BMP1: variants seen among roughly 807,000 people sequenced by gnomAD.
The protein encoded by BMP1 is bone morphogenetic protein 1, also known as mammalian tolloid protein.
In BMP1, 63 loss-of-function variants were observed where a neutral mutation model predicts 116.8. The ratio of observed to expected loss-of-function variants is 0.54; its 90% CI spans 0.44 to 0.67. The LOEUF is 0.67. Ranked by LOEUF, BMP1 falls within the 30% of genes least tolerant of loss-of-function variation. The pLI, the probability that BMP1 is intolerant of heterozygous loss-of-function variation, is 0.00. For missense variants in BMP1, 1,183 were observed against 1,358.9 expected (o/e 0.87, Z 2.04); for synonymous variants, 536 against 533.4 (o/e 1.00, Z -0.07).
rs1345182006 is a variant in BMP1, at chr8:22,179,491, C to T, written c.837-214C>T. On this transcript the variant is annotated intron_variant, in intron 6 of 19. Coordinates refer to ENST00000306385, the MANE Select transcript of BMP1 (RefSeq NM_006129.5). The surrounding 1 kb of genome is among the most constrained non-coding windows in gnomAD (Gnocchi z 4.6). ...CTCCCAAAGTGTTCCTGGGGCTCCC[C>T]CGACTCCTGTGGTGTGGCTGCCACG... Among the ~76,000 whole-genome samples the T allele has an allele frequency of 6.6e-6, 1 of 152,172 alleles. No individual in the cohort carries two copies.
intron 1 of BMP1, 90 bp from the exon 2 acceptor site, chr8:22,173,512 T>C: frequency 1.2e-6 from 1 of 854,204 alleles, no homozygotes; most frequent in Non-Finnish European, 1.8e-6. Context: ...GGTTGGGGGC[T>C]GGTGCCCACA....
At chr8:22,209,739 C>A (rs745753293) in intron 19 of BMP1, 44 bp downstream of exon 19, 5 of 1,589,950 alleles carry the variant, frequency 3.1e-6, no homozygotes, top group Non-Finnish European at 3.4e-6. Flanking sequence ...TGCCCCACGC[C>A]CCACACTGTC....
chr8:22,183,591 AATTATTATT>A (rs10687529), intron 8 of BMP1, among the ~76,000 whole-genome samples: 16 of 146,996 alleles, frequency 1.1e-4, no homozygotes, highest in East Asian at 3.9e-4. Context: ...GTATGTGTTA[AATTATTATT>A]ATTATTATTA....
intron 2 of BMP1, 79 bp from the exon 3 acceptor site, chr8:22,176,064 T>C: frequency 6.8e-7 from 1 of 1,469,926 alleles, no homozygotes; most frequent in Non-Finnish European, 9.3e-7. Flanking sequence ...ACAGAATCCA[T>C]GAAAAATGAG....
In BMP1 at chr8:22,194,156, T is replaced by C; in HGVS notation, c.1279T>C (p.Phe427Leu). ...CAGCAGCAATTGGGTTGGAAAGGGCTTCTTTGCAGTCTACGAAGGTACTGA... is the reference window on the plus strand; with the variant it reads ...CAGCAGCAATTGGGTTGGAAAGGGCCTCTTTGCAGTCTACGAAGGTACTGA... ...RSSSNWVGKG[F>L]FAVYEAICGG... Residue 427 changes from phenylalanine (F) to leucine (L), a missense_variant, in exon 10 of 20, where the codon TTC (phenylalanine) becomes CTC (leucine). Coordinates refer to ENST00000306385, the MANE Select transcript of BMP1 (RefSeq NM_006129.5). The surrounding 1 kb of genome is among the most constrained non-coding windows in gnomAD (Gnocchi z 4.5). The C allele has an allele frequency of 1.2e-6, 2 of 1,614,158 alleles. No individual in the cohort carries two copies. Among genetic ancestry groups the C allele is most frequent in the Non-Finnish European group, 1.7e-6 (2 of 1,179,980 alleles).
chr8:22,201,531 A>G (rs759477042), intron 15 of BMP1: 116 of 1,410,712 alleles, frequency 8.2e-5, no homozygotes, highest in Admixed American at 1.2e-4. Flanking sequence ...CTGTCCAGTA[A>G]GCAGGTAATG....
intron 8 of BMP1, among the ~76,000 whole-genome samples, chr8:22,184,253 C>A (rs555054696): frequency 1.1e-4 from 16 of 152,328 alleles, no homozygotes; most frequent in Non-Finnish European, 2.1e-4. Context: ...TGGGGTATGG[C>A]ATTGGGCTAG....
Position 22,179,727 on chromosome 8 carries a change from G to T in BMP1, c.859G>T (p.Val287Phe). ...CAGGGGCATCTTCCTGGATACCATT[G>T]TCCCCAAGTATGAGGTGAACGGGGT... The part of the protein sequence containing the change: ...FSRGIFLDTI[V>F]PKYEVNGVKP... The change falls in exon 7 of 20, where the codon GTC becomes TTC. Residue 287 changes from valine to phenylalanine, a missense_variant. Physicochemically the swap from Val to Phe is conservative, Grantham distance 50. This residue lies in a region of BMP1 where 956 missense variants were observed against 1,135.2 expected (regional missense o/e 0.84). Coordinates refer to ENST00000306385, the MANE Select transcript of BMP1 (RefSeq NM_006129.5). The surrounding 1 kb of genome is among the most constrained non-coding windows in gnomAD (Gnocchi z 4.6). The T allele has an allele frequency of 6.2e-7, 1 of 1,614,074 alleles. No individual in the cohort carries two copies.
At chr8:22,203,212 G>A (rs1199829195) in intron 16 of BMP1, among the ~76,000 whole-genome samples, 3 of 151,930 alleles carry the variant, frequency 2.0e-5, no homozygotes, top group Non-Finnish European at 4.4e-5. Context: ...TGTGACTTTG[G>A]GTGAGTCACT....
chr8:22,196,078 A>G, intron 13 of BMP1: 1 of 417,374 alleles, frequency 2.4e-6, no homozygotes, highest in Non-Finnish European at 4.8e-6. Flanking sequence ...CGTAGGCCGC[A>G]TTCTGGCTTT....
Position 22,201,259 on chromosome 8 carries a change from T to A in BMP1, c.2108-544T>A. The A allele has an allele frequency of 8.3e-6, 13 of 1,571,824 alleles. No individual in the cohort carries two copies. The South Asian group carries it at 1.3e-4, about 16-fold the overall frequency. ...CTCAGGAACCTCACCTTGGACGGAA[T>A]GGGATGGGGGCTTCGGTGCCCACCA... On this transcript the variant is annotated intron_variant, in intron 15 of 19. Transcript: ENST00000306385.
chr8:22,199,320 G>T, intron 15 of BMP1: 2 of 1,357,012 alleles, frequency 1.5e-6, no homozygotes, highest in Non-Finnish European at 2.0e-6. Context: ...AGCCAAGAAG[G>T]AGAAGAAAGA....
intron 18 of BMP1, 53 bp downstream of exon 18, chr8:22,207,569 G>T: frequency 2.5e-6 from 4 of 1,590,226 alleles, no homozygotes; most frequent in South Asian, 1.1e-5. Context: ...CAAGACTGGG[G>T]TAGAGTCGGG....
rs766148326 is a variant in BMP1 at position 22,194,209 on chromosome 8, T to C, written c.1297+35T>C. The C allele has an allele frequency of 3.8e-6, 6 of 1,590,602 alleles. No homozygotes were observed. In the African/African-American group the frequency reaches 4.0e-5, roughly 11 times the overall value. On this transcript the variant is annotated intron_variant, in intron 10 of 19. Transcript: ENST00000306385. This position sits in a 1 kb window ranked among gnomAD's most constrained non-coding sequence, Gnocchi z 4.5. ...AAGGCGGCGGGCGGGAGGAGTCAGATAGGAGGTCTCTGGGCATGGTAAAAC... is the reference window on the plus strand; with the variant it reads ...AAGGCGGCGGGCGGGAGGAGTCAGACAGGAGGTCTCTGGGCATGGTAAAAC...
chr8:22,200,461 G>A (rs1281063088), intron 15 of BMP1, among the ~76,000 whole-genome samples: 1 of 152,194 alleles, frequency 6.6e-6, no homozygotes, highest in African/African-American at 2.4e-5. Context: ...TGCAGAGTGT[G>A]TATTCTTTGT....
chr8:22,177,659 C>T (rs762293523), intron 5 of BMP1, 193 bp from the exon 6 acceptor site: 26 of 763,292 alleles, frequency 3.4e-5, no homozygotes, highest in Non-Finnish European at 3.6e-5. Context: ...TCACCAGGCC[C>T]TCTGCTGGAC....
intron 13 of BMP1, 93 bp downstream of exon 13, chr8:22,195,680 C>G (rs1483749821): frequency 3.3e-6 from 5 of 1,522,826 alleles, no homozygotes; most frequent in Non-Finnish European, 4.4e-6. Flanking sequence ...GGCTTTTGCT[C>G]TGTCACCCAG....
intron 8 of BMP1, among the ~76,000 whole-genome samples, chr8:22,188,108 C>T (rs1464913074): frequency 6.6e-6 from 1 of 151,406 alleles, no homozygotes; most frequent in African/African-American, 2.4e-5. Flanking sequence ...CCAGAAGACT[C>T]TGTACCCCAT....
rs1307075694 is a variant in BMP1 at position 22,194,756 on chromosome 8, T to C, written c.1476T>C (p.Tyr492=). The change falls in exon 12 of 20, where the codon TAT becomes TAC. Residue 492 remains tyrosine (Y), a synonymous_variant. Coordinates refer to ENST00000306385, the MANE Select transcript of BMP1 (RefSeq NM_006129.5). The surrounding 1 kb of genome is among the most constrained non-coding windows in gnomAD (Gnocchi z 4.5). Reference sequence around the variant, plus strand: ...GCCACGACAGCTGTGCCTACGACTATCTGGAGGTGCGCGACGGGCACAGTG... The same window carrying C: ...GCCACGACAGCTGTGCCTACGACTACCTGGAGGTGCGCGACGGGCACAGTG... The part of the protein sequence containing the change: ...IERHDSCAYD[Y]LEVRDGHSES... 15 of 1,612,562 alleles carry C rather than the reference T, an allele frequency of 9.3e-6. No individual in the cohort carries two copies. Among genetic ancestry groups the C allele is most frequent in the Non-Finnish European group, 1.3e-5 (15 of 1,179,408 alleles).
Sources: allele counts gnomAD v4.1 joint callset (sites outside exome capture counted in the v4.1 genomes callset), GRCh38; gene constraint gnomAD v4.1.1; regional missense constraint gnomAD v4.1.1; non-coding constraint Gnocchi (gnomAD v3.1); transcripts MANE v1.5; gene names NCBI Gene and HGNC (gene_info 2026-07-23, HGNC 2026-07-21).